Variants in DYNC1H1 observed in about 807,000 individuals in gnomAD.
DYNC1H1 encodes the protein dynein cytoplasmic 1 heavy chain 1, also known as cytoplasmic dynein 1 heavy chain 1.
In DYNC1H1, 51 loss-of-function variants were observed where a neutral mutation model predicts 527.1. That is an observed-to-expected ratio of 0.10 (90% CI 0.08 to 0.12). The LOEUF (loss-of-function observed/expected upper bound fraction) is 0.12, where lower values mean the gene tolerates loss of function less well. Ranked by LOEUF, DYNC1H1 falls within the 10% of genes least tolerant of loss-of-function variation. DYNC1H1 has a pLI of 1.00. For synonymous variants in DYNC1H1, 2,189 were observed against 2,278.8 expected, an observed-to-expected ratio of 0.96 and a Z score of 1.12; for missense variants, 2,771 against 5,971.8, an observed-to-expected ratio of 0.46 and a Z score of 17.66.
At position 102,029,729 on chromosome 14, in the gene DYNC1H1, A is replaced by G. The variant is rs770750441; in HGVS notation, c.9642+17A>G. On this transcript the variant is annotated intron_variant, in intron 49 of 77. Coordinates refer to ENST00000360184, the MANE Select transcript of DYNC1H1 (RefSeq NM_001376.5). The surrounding 1 kb of genome is among the most constrained non-coding windows in gnomAD (Gnocchi z 5.3). ...GTCGACCAGGTGCGTCACAGGCACA[A>G]ATTCCTCACGGGAGTGAGCTGCAGT... 1 of 1,614,198 alleles carries G rather than the reference A, an allele frequency of 6.2e-7. No homozygotes were observed. Among genetic ancestry groups the G allele is most frequent in the Non-Finnish European group, 8.5e-7 (1 of 1,180,042 alleles).
chr14:102,041,357 G>A lies in DYNC1H1; in HGVS notation c.11942-217G>A. On this transcript the variant is annotated intron_variant, in intron 64 of 77. Transcript: ENST00000360184. The surrounding 1 kb of genome is among the most constrained non-coding windows in gnomAD (Gnocchi z 4.5). ...CTAAAAATCAGCAAATGGCACCTTT[G>A]TCCTATGGATACATCCAGGTAGTAA... 1.5e-6 allele frequency: 1 copy of A among 687,230 alleles called. No homozygotes were observed. The highest frequency in any genetic ancestry group is 2.4e-5 in the Admixed American group (1 of 41,034). 42.6% of individuals were successfully genotyped at this position (687,230 alleles called of 1,614,324 possible). A position where few individuals can be genotyped will look rare whatever the true frequency, so the allele number is the denominator to read the frequency against.
At position 102,047,876 on chromosome 14, in the gene DYNC1H1, G is replaced by C. The variant is rs1404824156; in HGVS notation, c.13066G>C (p.Ala4356Pro). The C allele has an allele frequency of 6.2e-7, 1 of 1,613,606 alleles. No individual in the cohort carries two copies. The highest frequency in any genetic ancestry group is 2.2e-5 in the East Asian group (1 of 44,870). Residue 4356 changes from alanine to proline, a missense_variant, in exon 73 of 78, where the codon GCC (alanine) becomes CCC (proline). Ala to Pro is a conservative substitution (Grantham distance 27). This residue lies in a region of DYNC1H1 where 170 missense variants were observed against 249.8 expected (regional missense o/e 0.68). Coordinates refer to ENST00000360184, the MANE Select transcript of DYNC1H1 (RefSeq NM_001376.5). ...GATGTTGGAGGATGAGGACGACCTG[G>C]CCTACGCAGAGACTGAGAAGAAGAC... ...MQMLEDEDDL[A>P]YAETEKKTRT...
chr14:101,964,588 A>T lies in DYNC1H1; in HGVS notation c.-104A>T. On this transcript the variant is annotated 5_prime_UTR_variant, in exon 1 of 78. Transcript: ENST00000360184. The surrounding 1 kb of genome is among the most constrained non-coding windows in gnomAD (Gnocchi z 5.5). Reference sequence around the variant, plus strand: ...CGCTCTCCTCAGTCTGCGGTGGGCTAGCGGACGGTCCGGCTTCCGGCGGCC... The same window carrying T: ...CGCTCTCCTCAGTCTGCGGTGGGCTTGCGGACGGTCCGGCTTCCGGCGGCC... 6.6e-7 allele frequency: 1 copy of T among 1,523,916 alleles called. No homozygotes were observed. Among genetic ancestry groups the T allele is most frequent in the Admixed American group, 2.0e-5 (1 of 50,612 alleles). 94.4% of individuals were successfully genotyped at this position (1,523,916 alleles called of 1,614,324 possible).
chr14:102,002,868 G>A lies in DYNC1H1; in HGVS notation c.4786G>A (p.Gly1596Arg). 1 of 1,614,232 alleles carries A rather than the reference G, an allele frequency of 6.2e-7. No individual in the cohort carries two copies. The highest frequency in any genetic ancestry group is 1.3e-5 in the African/African-American group (1 of 75,064). Residue 1596 changes from glycine to arginine, a missense_variant, in exon 23 of 78, where the codon GGA becomes AGA. Coordinates refer to ENST00000360184, the MANE Select transcript of DYNC1H1 (RefSeq NM_001376.5). This position sits in a 1 kb window ranked among gnomAD's most constrained non-coding sequence, Gnocchi z 4.4. Reference protein sequence around the residue: ...PLVMDVLNIQGVQRSLERLAD... With the variant: ...PLVMDVLNIQRVQRSLERLAD... The stretch of plus-strand genomic sequence containing the variant: ...TGTTATGGATGTTCTGAACATCCAG[G>A]GAGTACAGAGGTCTCTGGAAAGATT...
Position 102,027,084 on chromosome 14 carries a change from T to C in DYNC1H1, c.8772-90T>C. 1 of 1,396,896 alleles carries C rather than the reference T, an allele frequency of 7.2e-7. No individual in the cohort carries two copies. The highest frequency in any genetic ancestry group is 1.0e-6 in the Non-Finnish European group (1 of 983,702). The allele number at this position is 1,396,896 out of a possible 1,614,324, so 86.5% of individuals were successfully genotyped here. A position where few individuals can be genotyped will look rare whatever the true frequency, so the allele number is the denominator to read the frequency against. On this transcript the variant is annotated intron_variant, in intron 44 of 77. Coordinates refer to ENST00000360184, the MANE Select transcript of DYNC1H1 (RefSeq NM_001376.5). This position sits in a 1 kb window ranked among gnomAD's most constrained non-coding sequence, Gnocchi z 7.7. ...TAATATACAAGTTCAAGTTAAAACA[T>C]GTCCAAAATACTGTAGACACTAGAT...
Position 102,033,243 on chromosome 14 carries a change from AAC to A in DYNC1H1, c.10198-24_10198-23del. ...TGACCTCTTTTCCTGTCACTTAAATAACAGTTATCAATTGGTTCTTCCCAGCT... is the reference window on the plus strand; with the variant it reads ...TGACCTCTTTTCCTGTCACTTAAATAAGTTATCAATTGGTTCTTCCCAGCT... On this transcript the variant is annotated intron_variant, in intron 53 of 77. Transcript: ENST00000360184. The surrounding 1 kb of genome is among the most constrained non-coding windows in gnomAD (Gnocchi z 5.6). 6.2e-7 allele frequency: 1 copy of A among 1,614,184 alleles called. No homozygotes were observed. Among genetic ancestry groups the A allele is most frequent in the Non-Finnish European group, 8.5e-7 (1 of 1,180,030 alleles).
intron 29 of DYNC1H1, 44 bp downstream of exon 29, chr14:102,008,381 G>C: frequency 6.2e-7 from 1 of 1,608,552 alleles, no homozygotes; most frequent in Non-Finnish European, 8.5e-7. Flanking sequence ...AATGTAGAGG[G>C]AAATTCCCTA....
In DYNC1H1 at chr14:102,052,123, G is replaced by C. The variant is rs1325655623; in HGVS notation, c.*1560G>C. 1 of 151,640 alleles carries C rather than the reference G, an allele frequency of 6.6e-6. No individual in the cohort carries two copies. Among genetic ancestry groups the C allele is most frequent in the African/African-American group, 2.4e-5 (1 of 41,224 alleles). 9.4% of individuals were successfully genotyped at this position (151,640 alleles called of 1,614,324 possible). ...GGTTCTAGGTGTGAGTCACCGAGTT[G>C]AGCCCCTAAACACATGTTTTTCTTT... On this transcript the variant is annotated 3_prime_UTR_variant, in exon 78 of 78. Coordinates refer to ENST00000360184, the MANE Select transcript of DYNC1H1 (RefSeq NM_001376.5).
At chr14:101,975,910 C>CTTT in intron 2 of DYNC1H1, 111 bp downstream of exon 2, 16 of 681,014 alleles carry the variant, frequency 2.3e-5, no homozygotes, top group East Asian at 3.6e-5. Flanking sequence ...TAATATAAAT[C>CTTT]TTTTTTTTTT....
chr14:101,994,152 T>C (rs754219676), intron 11 of DYNC1H1, 32 bp from the exon 12 acceptor site: 2 of 1,614,044 alleles, frequency 1.2e-6, no homozygotes, highest in Non-Finnish European at 8.5e-7. Context: ...TCATATACAC[T>C]GCTTGCATTC....
intron 42 of DYNC1H1, among the ~76,000 whole-genome samples, chr14:102,021,656 C>CTTTTTTTTT (rs757880988): frequency 3.3e-5 from 4 of 119,834 alleles, no homozygotes; most frequent in Admixed American, 9.0e-5. Flanking sequence ...TTTTCTTTTT[C>CTTTTTTTTT]TTTTTTTTTT....
intron 72 of DYNC1H1, among the ~76,000 whole-genome samples, chr14:102,046,418 A>G (rs1567024455): frequency 6.6e-6 from 1 of 151,960 alleles, no homozygotes; most frequent in African/African-American, 2.4e-5. Flanking sequence ...CAGGAGGGAT[A>G]AGCCAGGCGA....
intron 10 of DYNC1H1, among the ~76,000 whole-genome samples, chr14:101,991,172 C>T (rs895103049): frequency 3.3e-5 from 5 of 151,646 alleles, no homozygotes; most frequent in Non-Finnish European, 7.4e-5. Context: ...GACCCTATCT[C>T]AAAAAAACAA....
At position 101,997,796 on chromosome 14, in the gene DYNC1H1, AT is replaced by A. The variant is rs1359339751; in HGVS notation, c.3804+524del. On this transcript the variant is annotated intron_variant, in intron 16 of 77. Transcript: ENST00000360184. The surrounding 1 kb of genome is among the most constrained non-coding windows in gnomAD (Gnocchi z 4.8). ...TGTGTTCCAGGCCTTGTTCTAGGTC[AT>A]TGAGATATAGCAGTGAGTGAAAAGG... is the stretch of plus-strand genomic sequence containing the variant. Among the ~76,000 whole-genome samples, 6 of 152,210 alleles carry A rather than the reference AT, an allele frequency of 3.9e-5. No individual in the cohort carries two copies. Among genetic ancestry groups the A allele is most frequent in the African/African-American group, 1.4e-4 (6 of 41,442 alleles).
rs764990505 is a variant in DYNC1H1, at chr14:102,044,519, C to G, written c.12902+28C>G. On this transcript the variant is annotated intron_variant, in intron 71 of 77. Coordinates refer to ENST00000360184, the MANE Select transcript of DYNC1H1 (RefSeq NM_001376.5). This position sits in a 1 kb window ranked among gnomAD's most constrained non-coding sequence, Gnocchi z 7.1. ...ATGCTGCTGCCTGCTGGAATGGAGA[C>G]AGTTGTGATGTCAGGGCGTCTGGTG... 1.9e-6 allele frequency: 3 copies of G among 1,614,008 alleles called. No homozygotes were observed. The highest frequency in any genetic ancestry group is 2.5e-6 in the Non-Finnish European group (3 of 1,180,016).
chr14:101,985,592 G>A lies in DYNC1H1; in HGVS notation c.1462-95G>A. The A allele has an allele frequency of 2.1e-6, 3 of 1,404,376 alleles. No homozygotes were observed. In the South Asian group the frequency reaches 3.5e-5, roughly 16 times the overall value. The allele number at this position is 1,404,376 out of a possible 1,614,324, so 87.0% of individuals were successfully genotyped here. The stretch of plus-strand genomic sequence containing the variant: ...GCCTGCCTTGGCCTCCCAAAGTGCT[G>A]GGATTACAGGTGTGAGCCACTGCAC... On this transcript the variant is annotated intron_variant, in intron 7 of 77. Coordinates refer to ENST00000360184, the MANE Select transcript of DYNC1H1 (RefSeq NM_001376.5). The surrounding 1 kb of genome is among the most constrained non-coding windows in gnomAD (Gnocchi z 5.9).
chr14:102,000,783 A>G, intron 18 of DYNC1H1, 171 bp from the exon 19 acceptor site: 1 of 644,960 alleles, frequency 1.6e-6, no homozygotes, highest in African/African-American at 1.8e-5. Flanking sequence ...CATATTGGTC[A>G]GGCTGGTCTC....
In DYNC1H1 at chr14:102,044,724, C is replaced by G; in HGVS notation, c.13006+26C>G. ...GTAGGCAACAAGGATCCTCCCCACA[C>G]GCAGGGTGGGTGGCGAGGGTCCCCT... On this transcript the variant is annotated intron_variant, in intron 72 of 77. Coordinates refer to ENST00000360184, the MANE Select transcript of DYNC1H1 (RefSeq NM_001376.5). This position sits in a 1 kb window ranked among gnomAD's most constrained non-coding sequence, Gnocchi z 7.1. 1 of 1,611,724 alleles carries G rather than the reference C, an allele frequency of 6.2e-7. No individual in the cohort carries two copies. The highest frequency in any genetic ancestry group is 8.5e-7 in the Non-Finnish European group (1 of 1,179,250).
chr14:102,032,981 C>T lies in DYNC1H1; in HGVS notation c.10080-84C>T, dbSNP rs561022803. 28 of 1,399,764 alleles carry T rather than the reference C, an allele frequency of 2.0e-5. No homozygotes were observed. In the South Asian group the frequency reaches 2.9e-4, roughly 15 times the overall value. 86.7% of individuals were successfully genotyped at this position (1,399,764 alleles called of 1,614,324 possible). ...TGGGGCAATGAGATGGGAGCTGGCT[C>T]TGGTCTCTTCCATTTTAATTTTATG... On this transcript the variant is annotated intron_variant, in intron 52 of 77. Transcript: ENST00000360184.
Sources: allele counts gnomAD v4.1 joint callset (sites outside exome capture counted in the v4.1 genomes callset), GRCh38; gene constraint gnomAD v4.1.1; regional missense constraint gnomAD v4.1.1; non-coding constraint Gnocchi (gnomAD v3.1); transcripts MANE v1.5; gene names NCBI Gene and HGNC (gene_info 2026-07-23, HGNC 2026-07-21).